The following STARD3 variants were observed in gnomAD, a reference collection of about 807,000 sequenced individuals.
STARD3 encodes the protein StAR related lipid transfer domain containing 3, also known as stAR-related lipid transfer protein 3.
Under a neutral mutation model 62.0 loss-of-function variants are expected in STARD3, and 39 were observed. The observed-to-expected ratio is 0.63, with a 90% CI of 0.49 to 0.82. The LOEUF is 0.82. STARD3 is among the 40% of genes least tolerant of loss of function. The pLI is 0.00. For missense variants in STARD3, 543 were observed against 584.5 expected, an observed-to-expected ratio of 0.93 and a Z score of 0.73; for synonymous variants, 229 against 242.4, an observed-to-expected ratio of 0.94 and a Z score of 0.51.
intron 3 of STARD3, among the ~76,000 whole-genome samples, chr17:39,657,561 C>T (rs2057143245): frequency 1.3e-5 from 2 of 152,088 alleles, no homozygotes; most frequent in Admixed American, 6.5e-5. Context: ...CACAAAGCCC[C>T]CTTCAGAGAG....
At position 39,658,534 on chromosome 17, in the gene STARD3, C is replaced by T. The variant is rs180981238; in HGVS notation, c.547+12C>T. 74 of 1,611,024 alleles carry T rather than the reference C, an allele frequency of 4.6e-5. No individual in the cohort carries two copies. The highest frequency in any genetic ancestry group is 5.3e-5 in the Non-Finnish European group (62 of 1,177,868). On this transcript the variant is annotated intron_variant, in intron 6 of 14. Transcript: ENST00000336308. ...TGAAGAGGAGCGATGTGAGTGCTTGCGGGTAGGGGGGTGCAGCGAGGGTTA... is the reference window on the plus strand; with the variant it reads ...TGAAGAGGAGCGATGTGAGTGCTTGTGGGTAGGGGGGTGCAGCGAGGGTTA...
At chr17:39,656,936 C>T (rs952934679) in intron 2 of STARD3, 72 bp from the exon 3 acceptor site, 2 of 1,501,986 alleles carry the variant, frequency 1.3e-6, no homozygotes, top group African/African-American at 1.4e-5. Flanking sequence ...CCTCTTGCCC[C>T]TTCCGGGAGG....
intron 1 of STARD3, among the ~76,000 whole-genome samples, chr17:39,640,815 G>A (rs753145334): frequency 2.7e-5 from 4 of 150,712 alleles, no homozygotes; most frequent in East Asian, 1.9e-4. Context: ...GAGCCTCCCC[G>A]GCTGGGGGGA....
In STARD3 at chr17:39,659,515, T is replaced by C; in HGVS notation, c.757T>C (p.Leu253=). The change falls in exon 9 of 15, where the codon TTG becomes CTG. Residue 253 remains leucine (L), a synonymous_variant. Transcript: ENST00000336308. ...KEATAVVDQI[L]AQEENWKFEK... ...GGCCACGGCAGTGGTGGACCAGATC[T>C]TGGCCCAGGAAGAGAACTGGAAGTT... 6.2e-7 allele frequency: 1 copy of C among 1,614,158 alleles called. No homozygotes were observed. Among genetic ancestry groups the C allele is most frequent in the Non-Finnish European group, 8.5e-7 (1 of 1,180,016 alleles).
chr17:39,648,884 A>T (rs552721930), intron 1 of STARD3, among the ~76,000 whole-genome samples: 4 of 152,310 alleles, frequency 2.6e-5, no homozygotes, highest in Admixed American at 6.5e-5. Flanking sequence ...TCTCACACCC[A>T]AGCTGCTGCC....
intron 1 of STARD3, among the ~76,000 whole-genome samples, chr17:39,640,877 C>T (rs940289424): frequency 3.3e-5 from 5 of 151,776 alleles, no homozygotes; most frequent in African/African-American, 4.8e-5. Flanking sequence ...CTTCCCCTTC[C>T]GCTTCCTCAG....
rs144098142 is a variant in STARD3 at position 39,656,786 on chromosome 17, C to T, written c.220-222C>T. 4,048 of 545,594 alleles carry T rather than the reference C, an allele frequency of 7.4e-3. 26 individuals carry two copies. The highest frequency in any genetic ancestry group is 0.01 in the Non-Finnish European group (3,136 of 306,272). The allele number at this position is 545,594 out of a possible 1,614,324, so 33.8% of individuals were successfully genotyped here. Reference sequence around the variant, plus strand: ...GGTGCTGGAAGCTAGCCCTGCCCATCGGGGCGGCCTGGATCCTTAGAGGAC... The same window carrying T: ...GGTGCTGGAAGCTAGCCCTGCCCATTGGGGCGGCCTGGATCCTTAGAGGAC... On this transcript the variant is annotated intron_variant, in intron 2 of 14. Coordinates refer to ENST00000336308, the MANE Select transcript of STARD3 (RefSeq NM_006804.4).
chr17:39,659,693 G>T, intron 9 of STARD3, 140 bp downstream of exon 9: 1 of 872,052 alleles, frequency 1.1e-6, no homozygotes, highest in Non-Finnish European at 1.8e-6. Context: ...GGGCCCTCGG[G>T]TCGGCAGGAG....
intron 8 of STARD3, 136 bp from the exon 9 acceptor site, chr17:39,659,325 A>G (rs1057085261): frequency 7.8e-5 from 79 of 1,011,920 alleles, no homozygotes; most frequent in Non-Finnish European, 1.1e-4. Context: ...GCCCAGGGAG[A>G]CCAGCCCAGA....
intron 1 of STARD3, among the ~76,000 whole-genome samples, chr17:39,644,685 A>AG (rs1472379844): frequency 6.6e-6 from 1 of 151,196 alleles, no homozygotes; most frequent in Non-Finnish European, 1.5e-5. Context: ...AAAAAAAAAA[A>AG]AAAGAAGAAG....
intron 8 of STARD3, 96 bp from the exon 9 acceptor site, chr17:39,659,365 G>A (rs2057169026): frequency 7.8e-7 from 1 of 1,283,160 alleles, no homozygotes; most frequent in Non-Finnish European, 1.1e-6. Context: ...AGGCCCCTCT[G>A]GGAAGCATGT....
At chr17:39,662,386 A>G (rs1567862669) in intron 14 of STARD3, 42 bp downstream of exon 14, 9 of 1,583,008 alleles carry the variant, frequency 5.7e-6, no homozygotes, top group Non-Finnish European at 7.8e-6. Flanking sequence ...TGTGGAGTGG[A>G]GGGGACCCTG....
Position 39,663,147 on chromosome 17 carries a change from C to G in STARD3, c.*239C>G. On this transcript the variant is annotated 3_prime_UTR_variant, in exon 15 of 15. Transcript: ENST00000336308. ...GGCCTGTTGATGTTTACATGGCGCC[C>G]TGCCTCCTGGAGGACCAGATTGCTC... 2 of 463,438 alleles carry G rather than the reference C, an allele frequency of 4.3e-6. No individual in the cohort carries two copies. Among genetic ancestry groups the G allele is most frequent in the Non-Finnish European group, 7.6e-6 (2 of 264,032 alleles). The allele number at this position is 463,438 out of a possible 1,614,324, so 28.7% of individuals were successfully genotyped here. A position where few individuals can be genotyped will look rare whatever the true frequency, so the allele number is the denominator to read the frequency against.
chr17:39,659,187 G>A, intron 8 of STARD3, 81 bp downstream of exon 8: 1 of 1,569,606 alleles, frequency 6.4e-7, no homozygotes, highest in Non-Finnish European at 8.7e-7. Flanking sequence ...GCCGGGGTGG[G>A]CAGGGGTTTC....
In STARD3 at chr17:39,653,476, C is replaced by T. The variant is rs1167394651; in HGVS notation, c.-51-5C>T. ...GACAGGACTCTGCCTCTGCCTCGCC[C>T]CCAGCCCTGCTGCTGAGGCCGCGCC... is the stretch of plus-strand genomic sequence containing the variant. On this transcript the variant is annotated splice_region_variant and splice_polypyrimidine_tract_variant and intron_variant, in intron 1 of 14. Coordinates refer to ENST00000336308, the MANE Select transcript of STARD3 (RefSeq NM_006804.4). 5 of 1,576,674 alleles carry T rather than the reference C, an allele frequency of 3.2e-6. No homozygotes were observed. The highest frequency in any genetic ancestry group is 4.3e-6 in the Non-Finnish European group (5 of 1,165,200).
chr17:39,660,723 G>A lies in STARD3; in HGVS notation c.955-87G>A, dbSNP rs991529026. The A allele has an allele frequency of 5.4e-6, 8 of 1,475,782 alleles. No individual in the cohort carries two copies. The highest frequency in any genetic ancestry group is 6.4e-6 in the Non-Finnish European group (7 of 1,086,196). The allele number at this position is 1,475,782 out of a possible 1,614,324, so 91.4% of individuals were successfully genotyped here. A position where few individuals can be genotyped will look rare whatever the true frequency, so the allele number is the denominator to read the frequency against. On this transcript the variant is annotated intron_variant, in intron 11 of 14. Coordinates refer to ENST00000336308, the MANE Select transcript of STARD3 (RefSeq NM_006804.4). This position sits in a 1 kb window ranked among gnomAD's most constrained non-coding sequence, Gnocchi z 4.8. ...TGCCCAGGGCCTGCCTGTGGCAATA[G>A]CAGTTAGTAAAGGGGCCTGGGGTGT...
intron 1 of STARD3, 73 bp from the exon 2 acceptor site, chr17:39,653,408 A>T: frequency 9.9e-7 from 1 of 1,007,058 alleles, no homozygotes; most frequent in Non-Finnish European, 1.4e-6. Flanking sequence ...TTTGGGAGCC[A>T]GTGGTGGCCC....
intron 1 of STARD3, among the ~76,000 whole-genome samples, chr17:39,646,257 T>C (rs2057025417): frequency 6.6e-6 from 1 of 152,086 alleles, no homozygotes; most frequent in Admixed American, 6.5e-5. Context: ...CTTTTGTTTG[T>C]TGTTTTTTGT....
intron 13 of STARD3, chr17:39,661,408 A>T (rs2057196770): frequency 5.4e-6 from 2 of 367,496 alleles, no homozygotes; most frequent in East Asian, 1.1e-4. Flanking sequence ...GGGCTGATTG[A>T]CCTGAGCAGG....
Sources: gnomAD v4.1 joint callset for allele counts (sites outside exome capture counted in the v4.1 genomes callset) on GRCh38, gnomAD v4.1.1 for gene constraint, Gnocchi (gnomAD v3.1) non-coding constraint, MANE v1.5 for transcripts, NCBI Gene and HGNC (gene_info 2026-07-23, HGNC 2026-07-21) for gene names.